Variants in CNGB3 observed in about 807,000 individuals in gnomAD.
CNGB3 encodes cyclic nucleotide gated channel subunit beta 3, also known as cyclic nucleotide-gated channel beta-3.
CNGB3 carries 86 observed loss-of-function variants against 92.8 expected under a neutral mutation model. That is an observed-to-expected ratio of 0.93 (90% CI 0.78 to 1.11). CNGB3 has a LOEUF of 1.11. Among genes scored for constraint, CNGB3 ranks in the 50% least tolerant of loss-of-function variants. The pLI is 0.00. For synonymous variants in CNGB3, 333 were observed against 332.7 expected (o/e 1.00, Z -0.01); for missense variants, 1,026 against 956.8 (o/e 1.07, Z -0.95).
intron 15 of CNGB3, among the ~76,000 whole-genome samples, chr8:86,597,460 T>A (rs1822197139): frequency 6.6e-6 from 1 of 152,112 alleles, no homozygotes; most frequent in South Asian, 2.1e-4. Flanking sequence ...GTTACAAAGA[T>A]AAGTGCTCCA....
At chr8:86,689,155 G>GT (rs76271293) in intron 3 of CNGB3, among the ~76,000 whole-genome samples, 28 of 148,856 alleles carry the variant, frequency 1.9e-4, no homozygotes, top group African/African-American at 4.4e-4. Context: ...ATAATTTCAT[G>GT]TTTTTTTTTT....
chr8:86,651,419 T>G (rs576369663), intron 7 of CNGB3, among the ~76,000 whole-genome samples: 1 of 151,898 alleles, frequency 6.6e-6, no homozygotes, highest in African/African-American at 2.4e-5. Context: ...TTACTAAAAG[T>G]ATTGGCTTAG....
At chr8:86,659,070 G>T (rs553158722) in intron 6 of CNGB3, 209 of 844,400 alleles carry the variant, frequency 2.5e-4, no homozygotes, top group Admixed American at 7.3e-4. Context: ...CCCTGCTGGG[G>T]GCTCCAGGAG....
chr8:86,586,557 A>G (rs1227769889), intron 15 of CNGB3, among the ~76,000 whole-genome samples: 1 of 145,802 alleles, frequency 6.9e-6, no homozygotes, highest in African/African-American at 2.6e-5. Context: ...TCATTGTTCA[A>G]TTCCCACCTA....
At chr8:86,631,840 CTA>C (rs1822967484) in intron 11 of CNGB3, among the ~76,000 whole-genome samples, 1 of 152,076 alleles carries the variant, frequency 6.6e-6, no homozygotes, top group African/African-American at 2.4e-5. Context: ...GTTTTATTTT[CTA>C]TGTTTTGATA....
chr8:86,741,613 T>G lies in CNGB3; in HGVS notation c.130-1877A>C, dbSNP rs531165155. ...CCCAGGACACAGAGGTTGCAGCGAGTCAAGATTGCACCACTGCACTCCAGC... is the reference window on the plus strand; with the variant it reads ...CCCAGGACACAGAGGTTGCAGCGAGGCAAGATTGCACCACTGCACTCCAGC... On this transcript the variant is annotated intron_variant, in intron 1 of 17. Coordinates refer to ENST00000320005, the MANE Select transcript of CNGB3 (RefSeq NM_019098.5). Among the ~76,000 whole-genome samples the G allele has an allele frequency of 2.0e-5, 3 of 151,294 alleles. No individual in the cohort carries two copies. The East Asian group carries it at 5.9e-4, about 30-fold the overall frequency.
chr8:86,674,941 TTTGTTGTTG>T (rs79993104), intron 3 of CNGB3, among the ~76,000 whole-genome samples: 48,454 of 149,148 alleles, frequency 0.32, 9,169 homozygotes, highest in Middle Eastern at 0.52. Flanking sequence ...TTTCTCTCTT[TTTGTTGTTG>T]TTGTTGTTGT....
At chr8:86,641,859 A>C (rs912463095) in intron 10 of CNGB3, among the ~76,000 whole-genome samples, 31 of 151,936 alleles carry the variant, frequency 2.0e-4, no homozygotes, top group African/African-American at 7.5e-4. Flanking sequence ...TAACTTAACA[A>C]AATTACAACA....
At chr8:86,591,295 G>A (rs903525449) in intron 15 of CNGB3, among the ~76,000 whole-genome samples, 43 of 127,784 alleles carry the variant, frequency 3.4e-4, no homozygotes, top group African/African-American at 3.8e-4. Context: ...ATGTCCTCCC[G>A]TAGCTCAGAG....
chr8:86,694,394 C>CG (rs1212767810), intron 3 of CNGB3, among the ~76,000 whole-genome samples: 1 of 146,906 alleles, frequency 6.8e-6, no homozygotes, highest in South Asian at 2.2e-4. Flanking sequence ...GCTGGCCTGG[C>CG]GGGGGCTGAC....
chr8:86,605,826 C>T (rs1822401746), intron 14 of CNGB3, among the ~76,000 whole-genome samples: 1 of 152,142 alleles, frequency 6.6e-6, no homozygotes, highest in South Asian at 2.1e-4. Context: ...TCCTGAACAT[C>T]AACTATTGTT....
intron 3 of CNGB3, among the ~76,000 whole-genome samples, chr8:86,726,318 A>G (rs1265015518): frequency 6.6e-6 from 1 of 152,124 alleles, no homozygotes; most frequent in East Asian, 1.9e-4. Context: ...ATGGCTGCCT[A>G]GGGATATTGG....
intron 3 of CNGB3, among the ~76,000 whole-genome samples, chr8:86,705,015 A>G (rs2131650964): frequency 6.6e-6 from 1 of 152,290 alleles, no homozygotes; most frequent in Non-Finnish European, 1.5e-5. Context: ...GATTGGCACG[A>G]AAAATTAGCT....
chr8:86,600,113 T>A (rs973935592), intron 15 of CNGB3, among the ~76,000 whole-genome samples: 1 of 152,202 alleles, frequency 6.6e-6, no homozygotes, highest in African/African-American at 2.4e-5. Flanking sequence ...AGAACCTACA[T>A]GAAATATCGG....
At chr8:86,659,195 C>T in intron 6 of CNGB3, 4 of 715,266 alleles carry the variant, frequency 5.6e-6, no homozygotes, top group African/African-American at 1.7e-5. Context: ...CTGACATCGG[C>T]TGCATCCTCT....
chr8:86,582,894 C>T (rs1363282810), intron 15 of CNGB3, among the ~76,000 whole-genome samples: 2 of 151,696 alleles, frequency 1.3e-5, no homozygotes, highest in Non-Finnish European at 2.9e-5. Flanking sequence ...AAAGGAAGGA[C>T]ATTTAAAAAG....
intron 8 of CNGB3, among the ~76,000 whole-genome samples, chr8:86,644,991 T>A (rs2131595245): frequency 6.6e-6 from 1 of 151,326 alleles, no homozygotes; most frequent in Middle Eastern, 3.4e-3. Context: ...AAGCATGTAG[T>A]AGAACTCTGT....
intron 14 of CNGB3, among the ~76,000 whole-genome samples, chr8:86,611,287 T>C (rs1029049137): frequency 4.6e-5 from 7 of 152,170 alleles, no homozygotes; most frequent in African/African-American, 1.7e-4. Flanking sequence ...TGTAACTTTT[T>C]CCTCCACTTT....
intron 3 of CNGB3, among the ~76,000 whole-genome samples, chr8:86,698,508 C>G (rs186995685): frequency 9.5e-4 from 144 of 152,282 alleles, no homozygotes; most frequent in African/African-American, 3.3e-3. Context: ...CATTCCCTCG[C>G]TAGCACCTCT....
Sources: allele counts gnomAD v4.1 joint callset (sites outside exome capture counted in the v4.1 genomes callset), GRCh38; gene constraint gnomAD v4.1.1; transcripts MANE v1.5; gene names NCBI Gene and HGNC (gene_info 2026-07-23, HGNC 2026-07-21).